Variants in RFX8 observed in about 807,000 individuals in gnomAD.
RFX8 encodes the protein DNA-binding protein RFX8.
In RFX8, 46 loss-of-function variants were observed where a neutral mutation model predicts 54.6. The observed-to-expected ratio is 0.84, with a 90% CI of 0.67 to 1.08. The LOEUF (loss-of-function observed/expected upper bound fraction) is 1.08. Ranked by LOEUF, RFX8 falls within the 50% of genes least tolerant of loss-of-function variation. The pLI, the probability that RFX8 is intolerant of heterozygous loss-of-function variation, is 0.00. For missense variants in RFX8, 536 were observed against 562.3 expected, an observed-to-expected ratio of 0.95 and a Z score of 0.47; for synonymous variants, 192 against 209.5, an observed-to-expected ratio of 0.92 and a Z score of 0.72.
chr2:101,417,987 T>A (rs1440658943), intron 5 of RFX8, among the ~76,000 whole-genome samples: 1 of 152,060 alleles, frequency 6.6e-6, no homozygotes, highest in Non-Finnish European at 1.5e-5. Flanking sequence ...GCCTCCCGGG[T>A]TCAAGCGATT....
At chr2:101,443,160 A>G (rs1035476532) in intron 2 of RFX8, among the ~76,000 whole-genome samples, 1 of 152,132 alleles carries the variant, frequency 6.6e-6, no homozygotes, top group Admixed American at 6.5e-5. Context: ...TTCAGGGTGC[A>G]GGGCGGGGGA....
intron 8 of RFX8, 108 bp downstream of exon 8, chr2:101,412,807 G>C (rs1558844843): frequency 2.8e-6 from 3 of 1,058,920 alleles, no homozygotes; most frequent in African/African-American, 1.6e-5. Context: ...GAACATCGGA[G>C]TTATAAAGTT....
chr2:101,400,205 A>G (rs1685350911), intron 11 of RFX8, among the ~76,000 whole-genome samples: 1 of 152,250 alleles, frequency 6.6e-6, no homozygotes, highest in South Asian at 2.1e-4. Flanking sequence ...AAGCATGTGT[A>G]TATAATTTGA....
chr2:101,413,148 A>G, intron 7 of RFX8, 77 bp from the exon 8 acceptor site: 1 of 1,220,222 alleles, frequency 8.2e-7, no homozygotes, highest in Non-Finnish European at 1.2e-6. Flanking sequence ...CCAAATTGCC[A>G]AGATTTTTGT....
intron 2 of RFX8, among the ~76,000 whole-genome samples, chr2:101,431,342 T>TGAA (rs776158759): frequency 2.6e-5 from 4 of 152,192 alleles, no homozygotes; most frequent in Admixed American, 6.5e-5. Context: ...TTATGACAGC[T>TGAA]GAAGTGTCGG....
Position 101,466,311 on chromosome 2 carries a change from A to G in RFX8, c.72+466T>C, listed in dbSNP as rs1449049261. Among the ~76,000 whole-genome samples the G allele has an allele frequency of 1.7e-4, 17 of 102,456 alleles. No homozygotes were observed. The South Asian group carries it at 3.6e-3, about 22-fold the overall frequency. The allele number at this position is 102,456 out of a possible 152,430, so 67.2% of individuals were successfully genotyped here. ...AACAAGAGGGAAATTCTATCTCGGA[A>G]AAAAAAAAAAAAAAAGATCTTAACC... On this transcript the variant is annotated intron_variant, in intron 2 of 11. Coordinates refer to ENST00000428343, the MANE Select transcript of RFX8 (RefSeq NM_001145664.2).
intron 3 of RFX8, 93 bp from the exon 4 acceptor site, chr2:101,421,870 C>A: frequency 1.1e-6 from 1 of 907,820 alleles, no homozygotes; most frequent in Non-Finnish European, 1.7e-6. Flanking sequence ...AGAGGCCGCT[C>A]TTGTTGCAAT....
chr2:101,417,122 T>C (rs1273478641), intron 6 of RFX8, among the ~76,000 whole-genome samples: 1 of 152,238 alleles, frequency 6.6e-6, no homozygotes, highest in Non-Finnish European at 1.5e-5. Flanking sequence ...GGACTGTAGC[T>C]GAGTGCATGG....
At chr2:101,469,869 C>T (rs1028700063) in intron 1 of RFX8, among the ~76,000 whole-genome samples, 4 of 152,130 alleles carry the variant, frequency 2.6e-5, no homozygotes, top group African/African-American at 9.7e-5. Context: ...TTCTATGCCA[C>T]ACATGGAAAG....
At chr2:101,423,923 T>C (rs550375212) in intron 2 of RFX8, among the ~76,000 whole-genome samples, 17 of 152,346 alleles carry the variant, frequency 1.1e-4, no homozygotes, top group African/African-American at 4.1e-4. Context: ...GTCCTCTCAG[T>C]GCCCTAAAAT....
chr2:101,459,539 G>T (rs1390077734), intron 2 of RFX8, among the ~76,000 whole-genome samples: 3 of 152,186 alleles, frequency 2.0e-5, no homozygotes, highest in Non-Finnish European at 4.4e-5. Context: ...GGTATCACCA[G>T]CAGAGGCTGC....
At chr2:101,422,101 T>C (rs1038644290) in intron 3 of RFX8, among the ~76,000 whole-genome samples, 3 of 152,218 alleles carry the variant, frequency 2.0e-5, no homozygotes, top group African/African-American at 7.2e-5. Context: ...CCCTAATTTC[T>C]AGAAAATCCA....
chr2:101,403,025 G>A (rs1336148086), intron 10 of RFX8, among the ~76,000 whole-genome samples: 1 of 152,190 alleles, frequency 6.6e-6, no homozygotes, highest in East Asian at 1.9e-4. Flanking sequence ...TGGGAGAAAA[G>A]CAAACCCTAC....
rs990233880 is a variant in RFX8, at chr2:101,397,379, C to T, written c.*169G>A. The T allele has an allele frequency of 2.4e-6, 1 of 410,306 alleles. No homozygotes were observed. Among genetic ancestry groups the T allele is most frequent in the Non-Finnish European group, 4.2e-6 (1 of 239,660 alleles). The allele number at this position is 410,306 out of a possible 1,614,324, so 25.4% of individuals were successfully genotyped here. On this transcript the variant is annotated 3_prime_UTR_variant, in exon 12 of 12. Transcript: ENST00000428343. ...AAAAATTATTCTCCAAATCAGTTTA[C>T]ATATTTTATCGAAACCACCTCCTTG...
At chr2:101,436,410 T>G (rs1238545505) in intron 2 of RFX8, among the ~76,000 whole-genome samples, 1 of 152,164 alleles carries the variant, frequency 6.6e-6, no homozygotes, top group African/African-American at 2.4e-5. Context: ...TTGAACAGCC[T>G]GTGCACAGCT....
chr2:101,433,579 T>G (rs1342553989), intron 2 of RFX8, among the ~76,000 whole-genome samples: 1 of 152,236 alleles, frequency 6.6e-6, no homozygotes, highest in Non-Finnish European at 1.5e-5. Flanking sequence ...ATTAACTTTT[T>G]TTAGTCTAAC....
At chr2:101,406,950 T>C (rs1398281508) in intron 9 of RFX8, among the ~76,000 whole-genome samples, 1 of 152,174 alleles carries the variant, frequency 6.6e-6, no homozygotes, top group Admixed American at 6.5e-5. Context: ...CACTAAACTG[T>C]GTACCAATAA....
rs1686918556 is a variant in RFX8 at position 101,422,401 on chromosome 2, A to G, written c.144T>C (p.Phe48=). Residue 48 remains phenylalanine (F), a synonymous_variant, in exon 3 of 12, where the codon TTT becomes TTC. Transcript: ENST00000428343. ...ATTTCTTTGCCTGTTCTTGCTCCAGAAATGGACATCTCCTGAATTCAGACA... is the reference window on the plus strand; with the variant it reads ...ATTTCTTTGCCTGTTCTTGCTCCAGGAATGGACATCTCCTGAATTCAGACA... ...SPLSEFRRCP[F]LEQEQAKKYS... 6.5e-7 allele frequency: 1 copy of G among 1,549,224 alleles called. No individual in the cohort carries two copies. The highest frequency in any genetic ancestry group is 8.7e-7 in the Non-Finnish European group (1 of 1,144,708).
At chr2:101,429,005 G>A (rs1462393565) in intron 2 of RFX8, 1 of 1,531,260 alleles carries the variant, frequency 6.5e-7, no homozygotes, top group East Asian at 2.4e-5. Context: ...TTTTTCAAAG[G>A]CAATGGCATC....
Sources: allele counts gnomAD v4.1 joint callset (sites outside exome capture counted in the v4.1 genomes callset), GRCh38; gene constraint gnomAD v4.1.1; transcripts MANE v1.5; gene names NCBI Gene and HGNC (gene_info 2026-07-23, HGNC 2026-07-21).